Variants in EXOSC10 observed in about 807,000 individuals in gnomAD.
EXOSC10 encodes exosome complex component 10.
A neutral mutation model predicts 126.6 loss-of-function variants in EXOSC10; 94 were observed. The observed-to-expected ratio is 0.74, with a 90% CI of 0.63 to 0.88. EXOSC10 has a LOEUF of 0.88. Among genes scored for constraint, EXOSC10 ranks in the 40% least tolerant of loss-of-function variants. The pLI, the probability that EXOSC10 is intolerant of heterozygous loss-of-function variation, is 0.00. For missense variants in EXOSC10, 1,041 were observed against 1,100.5 expected, an observed-to-expected ratio of 0.95 and a Z score of 0.77; for synonymous variants, 395 against 400.8, an observed-to-expected ratio of 0.99 and a Z score of 0.17.
At chr1:11,070,293 CA>C (rs1241504337) in intron 21 of EXOSC10, among the ~76,000 whole-genome samples, 14 of 127,562 alleles carry the variant, frequency 1.1e-4, no homozygotes, top group East Asian at 4.7e-4. Flanking sequence ...AAAGGAAAGG[CA>C]GGGGGCAGGG....
rs765139647 is a variant in EXOSC10, at chr1:11,091,041, G to T, written c.616C>A (p.Pro206Thr). ...TGAGGGAGAGGTTTCTGAGCATTGG[G>T]TTTGATGAAGATTTTAGGAAGAAAT... ...TPFLPKIFIK[P>T]NAQKPLPQAL... Residue 206 changes from proline to threonine, a missense_variant, in exon 5 of 25, where the codon CCC becomes ACC. Transcript: ENST00000376936. 26 of 1,614,164 alleles carry T rather than the reference G, an allele frequency of 1.6e-5. No homozygotes were observed. The East Asian group carries it at 5.8e-4, about 36-fold the overall frequency.
intron 3 of EXOSC10, among the ~76,000 whole-genome samples, chr1:11,093,368 C>T (rs144395299): frequency 6.6e-4 from 100 of 152,306 alleles, no homozygotes; most frequent in African/African-American, 2.3e-3. Flanking sequence ...TTAAAGCAGA[C>T]GTGAAATATC....
intron 9 of EXOSC10, among the ~76,000 whole-genome samples, chr1:11,085,223 T>C (rs1640424090): frequency 6.6e-6 from 1 of 152,222 alleles, no homozygotes; most frequent in Non-Finnish European, 1.5e-5. Context: ...TTGGACAGTA[T>C]GGCCATTTTC....
At position 11,073,989 on chromosome 1, in the gene EXOSC10, T is replaced by C. The variant is rs745325342; in HGVS notation, c.2102A>G (p.His701Arg). 2.6e-5 allele frequency: 42 copies of C among 1,612,662 alleles called. No homozygotes were observed. The highest frequency in any genetic ancestry group is 3.6e-5 in the Non-Finnish European group (42 of 1,179,842). Residue 701 changes from histidine to arginine, a missense_variant, in exon 19 of 25, where the codon CAC becomes CGC. Around this residue, in one of 3 missense-constraint regions of EXOSC10, gnomAD observed 388 missense variants for 415.2 expected, o/e 0.93. Coordinates refer to ENST00000376936, the MANE Select transcript of EXOSC10 (RefSeq NM_001001998.3). ...PFRMFLPSLGHRAPVSQAAKF... is the reference protein window; with the variant it reads ...PFRMFLPSLGRRAPVSQAAKF... Reference sequence around the variant, plus strand: ...CGCTGCCTGAGAGACGGGAGCACGGTGTCCCAGTGAGGGCAGAAACTGGAG... The same window carrying C: ...CGCTGCCTGAGAGACGGGAGCACGGCGTCCCAGTGAGGGCAGAAACTGGAG...
intron 1 of EXOSC10, 114 bp from the exon 2 acceptor site, chr1:11,098,270 C>A: frequency 7.6e-7 from 1 of 1,322,230 alleles, no homozygotes; most frequent in Non-Finnish European, 9.9e-7. Context: ...TCAAAAAAAG[C>A]ACTCATTTAG....
chr1:11,078,231 C>G (rs1314482929), intron 14 of EXOSC10, among the ~76,000 whole-genome samples: 1 of 151,724 alleles, frequency 6.6e-6, no homozygotes, highest in Admixed American at 6.6e-5. Context: ...CACCACTGCA[C>G]TCCAGCCTGG....
Position 11,095,760 on chromosome 1 carries a change from C to T in EXOSC10, c.370G>A (p.Val124Met). The change falls in exon 3 of 25, where the codon GTG (valine) becomes ATG (methionine). Residue 124 changes from valine (V) to methionine (M), a missense_variant and splice_region_variant. By Grantham distance (21) the Val-to-Met change is conservative. This residue lies in a region of EXOSC10 where 645 missense variants were observed against 656.3 expected (regional missense o/e 0.98). Coordinates refer to ENST00000376936, the MANE Select transcript of EXOSC10 (RefSeq NM_001001998.3). ...VDANDVILER[V>M]GILLDEASGV... Reference sequence around the variant, plus strand: ...AAAGAGTAAGGGAAAATACTCACCACTCTCTCCAGAATTACATCATTGGCA... The same window carrying T: ...AAAGAGTAAGGGAAAATACTCACCATTCTCTCCAGAATTACATCATTGGCA... 1.9e-6 allele frequency: 3 copies of T among 1,613,886 alleles called. No homozygotes were observed. The highest frequency in any genetic ancestry group is 2.5e-6 in the Non-Finnish European group (3 of 1,179,810).
intron 9 of EXOSC10, among the ~76,000 whole-genome samples, chr1:11,083,696 A>G (rs1158763508): frequency 6.6e-6 from 1 of 151,794 alleles, no homozygotes; most frequent in Admixed American, 6.6e-5. Flanking sequence ...TTACATATGT[A>G]TACATGTGCC....
At chr1:11,067,153 C>T (rs1299204139) in intron 24 of EXOSC10, among the ~76,000 whole-genome samples, 4 of 152,062 alleles carry the variant, frequency 2.6e-5, no homozygotes, top group South Asian at 2.1e-4. Flanking sequence ...AAAAACAGGC[C>T]GGGCGCGGTG....
intron 1 of EXOSC10, 60 bp from the exon 2 acceptor site, chr1:11,098,216 C>A: frequency 6.5e-7 from 1 of 1,539,334 alleles, no homozygotes; most frequent in South Asian, 1.2e-5. Context: ...TTTGGTATGT[C>A]ATTTTTTTGA....
intron 2 of EXOSC10, among the ~76,000 whole-genome samples, chr1:11,096,525 G>A (rs1641104481): frequency 2.0e-5 from 3 of 147,394 alleles, no homozygotes; most frequent in South Asian, 4.3e-4. Context: ...TACCCAGGCT[G>A]GAATGCAGCA....
In EXOSC10 at chr1:11,099,659, G is replaced by A. The variant is rs771248742; in HGVS notation, c.111+62C>T. 77 of 1,488,730 alleles carry A rather than the reference G, an allele frequency of 5.2e-5. No homozygotes were observed. In the Middle Eastern group the frequency reaches 9.7e-4, roughly 19 times the overall value. The allele number at this position is 1,488,730 out of a possible 1,614,324, so 92.2% of individuals were successfully genotyped here. ...CGGGCGGGCATTGGCTGCCCAGAGG[G>A]CCCAGTCGGCTTCCGGCGGCCGCGG... On this transcript the variant is annotated intron_variant, in intron 1 of 24. Transcript: ENST00000376936.
intron 17 of EXOSC10, 151 bp from the exon 18 acceptor site, chr1:11,074,477 A>T (rs1380123830): frequency 1.7e-6 from 1 of 576,526 alleles, no homozygotes; most frequent in Non-Finnish European, 3.1e-6. Context: ...CAGTGGTGTG[A>T]TCTCTGCTCA....
At position 11,076,483 on chromosome 1, in the gene EXOSC10, G is replaced by A. The variant is rs113459862; in HGVS notation, c.1986+359C>T. ...CATGCCACCCCTGCTGGGCATCCAG[G>A]TGAACCGTTTTTCCTCCACCACCAC... On this transcript the variant is annotated intron_variant, in intron 17 of 24. Transcript: ENST00000376936. Among the ~76,000 whole-genome samples the A allele has an allele frequency of 5.8e-3, 878 of 152,332 alleles. 4 individuals carry two copies. The highest frequency in any genetic ancestry group is 0.01 in the Non-Finnish European group (692 of 68,026).
intron 14 of EXOSC10, 103 bp from the exon 15 acceptor site, chr1:11,077,754 A>C: frequency 1.2e-5 from 12 of 986,912 alleles, no homozygotes; most frequent in Non-Finnish European, 1.8e-5. Context: ...CCTGTTTCTC[A>C]AAAGCCCAGA....
At chr1:11,090,125 G>A (rs1304636079) in intron 6 of EXOSC10, among the ~76,000 whole-genome samples, 2 of 151,372 alleles carry the variant, frequency 1.3e-5, no homozygotes, top group African/African-American at 4.9e-5. Flanking sequence ...AGCCTCCCGA[G>A]TAGCTGGGAT....
intron 3 of EXOSC10, 44 bp from the exon 4 acceptor site, chr1:11,091,641 G>T: frequency 7.0e-7 from 1 of 1,422,232 alleles, no homozygotes; most frequent in Non-Finnish European, 9.9e-7. Flanking sequence ...TCCTTTTGAG[G>T]TTAGCAGAGT....
At chr1:11,091,272 A>C in intron 4 of EXOSC10, 93 bp from the exon 5 acceptor site, 1 of 1,230,540 alleles carries the variant, frequency 8.1e-7, no homozygotes, top group East Asian at 2.3e-5. Context: ...AGACAAGAAC[A>C]TCGCAAAGGT....
At chr1:11,078,708 G>A (rs1639967682) in intron 14 of EXOSC10, among the ~76,000 whole-genome samples, 1 of 152,118 alleles carries the variant, frequency 6.6e-6, no homozygotes. Context: ...CACTCATTCA[G>A]GGAGCTATCA....
Sources: gnomAD v4.1 joint callset for allele counts (sites outside exome capture counted in the v4.1 genomes callset) on GRCh38, gnomAD v4.1.1 for gene constraint, gnomAD v4.1.1 regional missense constraint, MANE v1.5 for transcripts, NCBI Gene and HGNC (gene_info 2026-07-23, HGNC 2026-07-21) for gene names.